EPS15: variants seen among roughly 807,000 people sequenced by gnomAD.
EPS15 encodes epidermal growth factor receptor substrate 15.
EPS15 carries 72 observed loss-of-function variants against 113.8 expected under a neutral mutation model. The observed-to-expected ratio is 0.63, with a 90% CI of 0.52 to 0.77. The LOEUF (loss-of-function observed/expected upper bound fraction) is 0.77, where lower values mean the gene tolerates loss of function less well. Ranked by LOEUF, EPS15 falls within the 30% of genes least tolerant of loss-of-function variation. The pLI, the probability that EPS15 is intolerant of heterozygous loss-of-function variation, is 0.00. For synonymous variants in EPS15, 344 were observed against 363.4 expected (o/e 0.95, Z 0.61); for missense variants, 1,048 against 1,045.8 (o/e 1.00, Z -0.03).
chr1:51,403,684 A>C, intron 16 of EPS15, 152 bp from the exon 17 acceptor site: 2 of 510,032 alleles, frequency 3.9e-6, no homozygotes, highest in Non-Finnish European at 6.9e-6. Context: ...TTTTTTAGGG[A>C]AATGGTGTCA....
In EPS15 at chr1:51,513,005, A is replaced by T. The variant is rs573098187; in HGVS notation, c.33+6194T>A. On this transcript the variant is annotated intron_variant, in intron 1 of 24. Transcript: ENST00000371733. Reference sequence around the variant, plus strand: ...CACCATGCCCAGCTAATTAAAAAAAATTTTTTTTTTGTCCCAGATGGATTT... The same window carrying T: ...CACCATGCCCAGCTAATTAAAAAAATTTTTTTTTTTGTCCCAGATGGATTT... 4.0e-3 allele frequency among the ~76,000 whole-genome samples: 603 copies of T among 149,890 alleles called. 2 individuals are homozygous for T. Among genetic ancestry groups the T allele is most frequent in the African/African-American group, 0.012 (499 of 40,822 alleles).
In EPS15 at chr1:51,440,345, A is replaced by G. The variant is rs1652498233; in HGVS notation, c.1040+2T>C. The G allele has an allele frequency of 6.7e-7, 1 of 1,496,664 alleles. No individual in the cohort carries two copies. Among genetic ancestry groups the G allele is most frequent in the Non-Finnish European group, 9.2e-7 (1 of 1,087,212 alleles). The allele number at this position is 1,496,664 out of a possible 1,614,324, so 92.7% of individuals were successfully genotyped here. A position where few individuals can be genotyped will look rare whatever the true frequency, so the allele number is the denominator to read the frequency against. ...AGTAGGCTGTAATTTTGCTTTACAT[A>G]CCTCTGTAGGTCAACTATTTCATTG... On this transcript the variant is annotated splice_donor_variant, in intron 12 of 24. Transcript: ENST00000371733. LOFTEE classifies it high-confidence loss of function.
chr1:51,369,611 CTTCT>C (rs1324487433), intron 21 of EPS15, among the ~76,000 whole-genome samples: 1 of 152,178 alleles, frequency 6.6e-6, no homozygotes, highest in African/African-American at 2.4e-5. Flanking sequence ...TTTCAGCATA[CTTCT>C]TTAACAGCCT....
At chr1:51,466,892 T>C (rs985682609) in intron 5 of EPS15, among the ~76,000 whole-genome samples, 1 of 151,052 alleles carries the variant, frequency 6.6e-6, no homozygotes, top group East Asian at 1.9e-4. Flanking sequence ...AATGACAAAA[T>C]AGGAAAAAAA....
Position 51,408,256 on chromosome 1 carries a change from C to G in EPS15, c.1352G>C (p.Arg451Thr). 4 of 1,614,000 alleles carry G rather than the reference C, an allele frequency of 2.5e-6. No homozygotes were observed. The highest frequency in any genetic ancestry group is 3.4e-6 in the Non-Finnish European group (4 of 1,179,860). Reference sequence around the variant, plus strand: ...TTGCTGTAGACGGCTCAGCTCTTCTCTAGCTTTTGCCAATTCTTCTTCGTA... The same window carrying G: ...TTGCTGTAGACGGCTCAGCTCTTCTGTAGCTTTTGCCAATTCTTCTTCGTA... ...STYEEELAKA[R>T]EELSRLQQET... The change falls in exon 15 of 25, where the codon AGA (arginine) becomes ACA (threonine). Residue 451 changes from arginine (R) to threonine (T), a missense_variant. By Grantham distance (71) the Arg-to-Thr change is moderately conservative. Transcript: ENST00000371733.
Position 51,412,620 on chromosome 1 carries a change from C to T in EPS15, c.1114-2924G>A, listed in dbSNP as rs569189954. ...ATTTTTTTCATGTCTAAATTTTTAA[C>T]CTTGCCTACACTGTTAACTAATCCA... is the stretch of plus-strand genomic sequence containing the variant. On this transcript the variant is annotated intron_variant, in intron 13 of 24. Coordinates refer to ENST00000371733, the MANE Select transcript of EPS15 (RefSeq NM_001981.3). Among the ~76,000 whole-genome samples the T allele has an allele frequency of 2.0e-5, 3 of 152,206 alleles. No homozygotes were observed. The South Asian group carries it at 6.2e-4, about 32-fold the overall frequency.
chr1:51,357,389 AAAATAT>A (rs1318785266), intron 24 of EPS15, among the ~76,000 whole-genome samples: 54 of 57,606 alleles, frequency 9.4e-4, no homozygotes, highest in African/African-American at 4.5e-3. Flanking sequence ...AAAAAAAAAA[AAAATAT>A]ATATATATAT....
At chr1:51,414,229 T>A (rs1250313405) in intron 13 of EPS15, among the ~76,000 whole-genome samples, 1 of 151,852 alleles carries the variant, frequency 6.6e-6, no homozygotes, top group East Asian at 2.0e-4. Context: ...CTGGCCAACA[T>A]AGTAAAACCC....
chr1:51,405,891 A>G lies in EPS15; in HGVS notation c.1677+14T>C. ...GGAGGTTGATTATGAAGGTTATGAA[A>G]GTATTAGACTCACTGGAGATTCCTG... On this transcript the variant is annotated intron_variant, in intron 16 of 24. Coordinates refer to ENST00000371733, the MANE Select transcript of EPS15 (RefSeq NM_001981.3). 6.2e-7 allele frequency: 1 copy of G among 1,607,678 alleles called. No individual in the cohort carries two copies. Among genetic ancestry groups the G allele is most frequent in the Non-Finnish European group, 8.5e-7 (1 of 1,175,222 alleles).
intron 12 of EPS15, among the ~76,000 whole-genome samples, chr1:51,432,302 G>C (rs1451892627): frequency 9.1e-4 from 82 of 89,700 alleles, no homozygotes; most frequent in African/African-American, 6.8e-3. Flanking sequence ...CATAGATTAT[G>C]TATGTATGTA....
At chr1:51,465,429 G>T in intron 5 of EPS15, 103 bp from the exon 6 acceptor site, 1 of 658,672 alleles carries the variant, frequency 1.5e-6, no homozygotes. Flanking sequence ...CAAAATGCTG[G>T]ATCTCAATGC....
chr1:51,358,129 G>A (rs1646285017), intron 24 of EPS15, among the ~76,000 whole-genome samples: 2 of 152,028 alleles, frequency 1.3e-5, no homozygotes, highest in Non-Finnish European at 2.9e-5. Flanking sequence ...TGGCAACATG[G>A]CAAAACTCTG....
chr1:51,441,532 A>G (rs548086414), intron 11 of EPS15, among the ~76,000 whole-genome samples: 3 of 152,122 alleles, frequency 2.0e-5, no homozygotes, highest in Non-Finnish European at 2.9e-5. Flanking sequence ...ATAACAGAAC[A>G]TAAGACTTTG....
At chr1:51,357,889 AC>A (rs1256042186) in intron 24 of EPS15, among the ~76,000 whole-genome samples, 1 of 151,778 alleles carries the variant, frequency 6.6e-6, no homozygotes, top group Non-Finnish European at 1.5e-5. Flanking sequence ...ACAAGCATGC[AC>A]CACCACGCCC....
At position 51,366,833 on chromosome 1, in the gene EPS15, G is replaced by A. The variant is rs186662708; in HGVS notation, c.2120-804C>T. Among the ~76,000 whole-genome samples, 272 of 152,180 alleles carry A rather than the reference G, an allele frequency of 1.8e-3. 1 individual carries two copies. Among genetic ancestry groups the A allele is most frequent in the African/African-American group, 6.0e-3 (247 of 41,508 alleles). On this transcript the variant is annotated intron_variant, in intron 21 of 24. Transcript: ENST00000371733. ...AAGAAGTAATTTTTTCCTTCTCTGC[G>A]GCACTAATGGCATTCTAGTTTGTAC...
chr1:51,455,354 C>T (rs1208026570), intron 8 of EPS15, among the ~76,000 whole-genome samples: 8 of 152,120 alleles, frequency 5.3e-5, no homozygotes, highest in Admixed American at 3.3e-4. Context: ...CTTTGGGAGG[C>T]TAAGGCAGGT....
chr1:51,476,633 CT>C (rs1160382755), intron 2 of EPS15, among the ~76,000 whole-genome samples: 1 of 152,050 alleles, frequency 6.6e-6, no homozygotes, highest in African/African-American at 2.4e-5. Context: ...TTTTGTTGAT[CT>C]TTTCAAAAAA....
chr1:51,445,551 C>A (rs540278136), intron 10 of EPS15, among the ~76,000 whole-genome samples: 2 of 151,946 alleles, frequency 1.3e-5, no homozygotes, highest in East Asian at 3.9e-4. Context: ...ATGGAAATCA[C>A]ATGTGAGGAA....
intron 1 of EPS15, among the ~76,000 whole-genome samples, chr1:51,483,315 TCTTA>T (rs1644055134): frequency 6.6e-6 from 1 of 152,170 alleles, no homozygotes; most frequent in African/African-American, 2.4e-5. Context: ...TTGTTGTTAA[TCTTA>T]CTGTGCCTAA....
Sources: gnomAD v4.1 joint callset for allele counts (sites outside exome capture counted in the v4.1 genomes callset) on GRCh38, gnomAD v4.1.1 for gene constraint, MANE v1.5 for transcripts, NCBI Gene and HGNC (gene_info 2026-07-23, HGNC 2026-07-21) for gene names.